Variants in ZFYVE26 observed in about 807,000 individuals in gnomAD.
ZFYVE26 encodes zinc finger FYVE domain-containing protein 26.
ZFYVE26 carries 181 observed loss-of-function variants against 276.5 expected under a neutral mutation model. The ratio of observed to expected loss-of-function variants is 0.65; its 90% CI spans 0.58 to 0.74. ZFYVE26 has a LOEUF of 0.74. Among genes scored for constraint, ZFYVE26 ranks in the 30% least tolerant of loss-of-function variants. The pLI is 0.00. For synonymous variants in ZFYVE26, 1,129 were observed against 1,203.1 expected (o/e 0.94, Z 1.27); for missense variants, 2,821 against 3,097.9 (o/e 0.91, Z 2.12).
intron 29 of ZFYVE26, 55 bp downstream of exon 29, chr14:67,769,539 C>A: frequency 6.2e-7 from 1 of 1,609,038 alleles, no homozygotes; most frequent in Non-Finnish European, 8.5e-7. Context: ...GTGTAGGGAC[C>A]TGCGGAAGGG....
intron 27 of ZFYVE26, among the ~76,000 whole-genome samples, chr14:67,773,379 T>C (rs1298792625): frequency 2.0e-5 from 3 of 151,948 alleles, no homozygotes; most frequent in Non-Finnish European, 4.4e-5. Flanking sequence ...AGCAAGATCC[T>C]GTCTCTACAA....
intron 28 of ZFYVE26, among the ~76,000 whole-genome samples, chr14:67,770,913 T>A (rs1015816353): frequency 6.6e-6 from 1 of 152,114 alleles, no homozygotes; most frequent in African/African-American, 2.4e-5. Flanking sequence ...CCTTGAAGAT[T>A]TGTAAGTTTA....
At chr14:67,730,321 A>G (rs1404139054) in intron 13 of ZFYVE26, among the ~76,000 whole-genome samples, 3 of 152,174 alleles carry the variant, frequency 2.0e-5, no homozygotes, top group Non-Finnish European at 2.9e-5. Flanking sequence ...ACATGTTGCT[A>G]TTGAGCACTT....
At chr14:67,769,568 C>T (rs1291066199) in intron 29 of ZFYVE26, 26 bp downstream of exon 29, 1 of 1,611,694 alleles carries the variant, frequency 6.2e-7, no homozygotes, top group South Asian at 1.1e-5. Context: ...TCAATAATAG[C>T]AACAGCCCTG....
chr14:67,793,727 C>T lies in ZFYVE26; in HGVS notation c.2434G>A (p.Glu812Lys), dbSNP rs2039881564. Reference protein sequence around the residue: ...GSLSAMSGRNELHSRLHPHPQ... With the variant: ...GSLSAMSGRNKLHSRLHPHPQ... ...TGGGGGTGCAATCTACTGTGCAGCT[C>T]ATTCCGGCCAGACATGGCACTCAGA... The change falls in exon 14 of 42, where the codon GAG becomes AAG. Residue 812 changes from glutamate to lysine, a missense_variant. Transcript: ENST00000347230. 6.2e-7 allele frequency: 1 copy of T among 1,613,912 alleles called. No homozygotes were observed. Among genetic ancestry groups the T allele is most frequent in the South Asian group, 1.1e-5 (1 of 91,064 alleles).
At chr14:67,741,884 C>G (rs1019844981), downstream of ZFYVE26, among the ~76,000 whole-genome samples, 1 of 152,228 alleles carries the variant, frequency 6.6e-6, no homozygotes, top group Non-Finnish European at 1.5e-5. Context: ...ATCACATGAA[C>G]TTTCTGCTCT....
chr14:67,797,898 T>C, intron 11 of ZFYVE26, 116 bp downstream of exon 11: 1 of 1,592,176 alleles, frequency 6.3e-7, no homozygotes, highest in Non-Finnish European at 8.6e-7. Context: ...GTTGCCATGG[T>C]GACGATATGC....
intron 13 of ZFYVE26, among the ~76,000 whole-genome samples, chr14:67,736,882 G>A (rs2140167218): frequency 6.6e-6 from 1 of 152,194 alleles, no homozygotes; most frequent in South Asian, 2.1e-4. Context: ...GTTCCACAGA[G>A]AGCTCTGGAG....
Position 67,785,891 on chromosome 14 carries a change from G to C in ZFYVE26, c.3271C>G (p.Leu1091Val). ...TTLSQQLDQV[L>V]QSLREALELP... Reference sequence around the variant, plus strand: ...TCTAGTGCCTCTCTCAGTGACTGAAGGACCTGATCTAGCTGCTGGGAGAGG... The same window carrying C: ...TCTAGTGCCTCTCTCAGTGACTGAACGACCTGATCTAGCTGCTGGGAGAGG... Residue 1091 changes from leucine to valine, a missense_variant, in exon 18 of 42, where the codon CTT (leucine) becomes GTT (valine). Transcript: ENST00000347230. 2 of 1,614,190 alleles carry C rather than the reference G, an allele frequency of 1.2e-6. No homozygotes were observed. Among genetic ancestry groups the C allele is most frequent in the Non-Finnish European group, 1.7e-6 (2 of 1,180,034 alleles).
At chr14:67,729,778 G>T (rs866226124) in exon 14 of ZFYVE26, 1 of 501,924 alleles carries the variant, frequency 2.0e-6, no homozygotes, top group Non-Finnish European at 4.0e-6. Flanking sequence ...CTCTCTCTTC[G>T]GTGTGAACTC....
intron 13 of ZFYVE26, among the ~76,000 whole-genome samples, chr14:67,730,953 T>C (rs1026101600): frequency 6.6e-6 from 1 of 152,086 alleles, no homozygotes. Context: ...AAAAAAGAAG[T>C]GTAAGTTATC....
intron 14 of ZFYVE26, among the ~76,000 whole-genome samples, chr14:67,791,563 G>A (rs1159062193): frequency 6.6e-6 from 1 of 150,698 alleles, no homozygotes; most frequent in Non-Finnish European, 1.5e-5. Flanking sequence ...AGGGTTAAAA[G>A]TAATTTTATT....
chr14:67,761,133 G>T (rs916180864), intron 35 of ZFYVE26: 16 of 658,286 alleles, frequency 2.4e-5, no homozygotes, highest in Middle Eastern at 8.0e-4. Context: ...CAGAAGGAAT[G>T]AAACATGCCT....
rs750522064 is a variant in ZFYVE26 at position 67,813,978 on chromosome 14, C to T, written c.273+8G>A. 9 of 1,610,198 alleles carry T rather than the reference C, an allele frequency of 5.6e-6. No homozygotes were observed. The East Asian group carries it at 1.1e-4, about 20-fold the overall frequency. On this transcript the variant is annotated splice_region_variant and intron_variant, in intron 3 of 41. Transcript: ENST00000347230. The stretch of plus-strand genomic sequence containing the variant: ...CCTCGGAGGAAAATTTAATATAAAC[C>T]TACTTACCTTTTCCCGGGCCAACCA...
In ZFYVE26 at chr14:67,806,580, G is replaced by T. The variant is rs1441325072; in HGVS notation, c.982C>A (p.Leu328Met). Residue 328 changes from leucine (L) to methionine (M), a missense_variant, in exon 6 of 42, where the codon CTG becomes ATG. By Grantham distance (15) the Leu-to-Met change is conservative. Transcript: ENST00000347230. The part of the protein sequence containing the change: ...EAWKVAYFYC[L>M]SNNKHFLEQI... ...TCGAGGAAGTGTTTGTTGTTGCTCA[G>T]GCAGTAGAAATAGGCCACTTTCCAA... 1 of 1,614,244 alleles carries T rather than the reference G, an allele frequency of 6.2e-7. No homozygotes were observed. Among genetic ancestry groups the T allele is most frequent in the East Asian group, 2.2e-5 (1 of 44,886 alleles).
intron 27 of ZFYVE26, among the ~76,000 whole-genome samples, 168 bp from the exon 28 acceptor site, chr14:67,772,378 T>C (rs889471770): frequency 6.6e-6 from 1 of 152,212 alleles, no homozygotes; most frequent in African/African-American, 2.4e-5. Context: ...AACTGAACAT[T>C]GTGTGCCTCC....
chr14:67,806,620 G>A lies in ZFYVE26; in HGVS notation c.942C>T (p.Pro314=). The A allele has an allele frequency of 6.2e-7, 1 of 1,614,174 alleles. No individual in the cohort carries two copies. The highest frequency in any genetic ancestry group is 8.5e-7 in the Non-Finnish European group (1 of 1,179,998). The change falls in exon 6 of 42, where the codon CCC becomes CCT. Residue 314 remains proline, a synonymous_variant. Transcript: ENST00000347230. ...CCACTTTCCAAGCCTCGGCTGGGTT[G>A]GGATTGGAGAACAGGGCTAGCATTG... ...ERAMLALFSN[P]NPAEAWKVAY...
intron 10 of ZFYVE26, among the ~76,000 whole-genome samples, chr14:67,800,007 G>A (rs1460823539): frequency 6.6e-6 from 1 of 152,172 alleles, no homozygotes; most frequent in African/African-American, 2.4e-5. Flanking sequence ...CCAAACACTT[G>A]CTGGACAGCT....
intron 8 of ZFYVE26, among the ~76,000 whole-genome samples, chr14:67,804,499 C>G (rs2040138045): frequency 6.6e-6 from 1 of 152,192 alleles, no homozygotes; most frequent in Admixed American, 6.5e-5. Flanking sequence ...AAGGGCCTTT[C>G]AGATCAGTAG....
Sources: gnomAD v4.1 joint callset for allele counts (sites outside exome capture counted in the v4.1 genomes callset) on GRCh38, gnomAD v4.1.1 for gene constraint, MANE v1.5 for transcripts, NCBI Gene and HGNC (gene_info 2026-07-23, HGNC 2026-07-21) for gene names.